Variants in MAGI2 observed in about 807,000 individuals in gnomAD.
MAGI2 encodes membrane-associated guanylate kinase, WW and PDZ domain-containing protein 2.
MAGI2 carries 35 observed loss-of-function variants against 133.3 expected under a neutral mutation model. The ratio of observed to expected loss-of-function variants is 0.26; its 90% CI spans 0.20 to 0.35. The LOEUF is 0.35. MAGI2 is among the 10% of genes least tolerant of loss of function. The probability of loss-of-function intolerance (pLI) is 1.00; values close to 1 mark genes in which losing one functional copy is unlikely to be tolerated. For synonymous variants in MAGI2, 729 were observed against 710.6 expected, an observed-to-expected ratio of 1.03 and a Z score of -0.41; for missense variants, 1,636 against 1,863.4, an observed-to-expected ratio of 0.88 and a Z score of 2.25.
intron 6 of MAGI2, among the ~76,000 whole-genome samples, chr7:78,395,696 C>T (rs745576218): frequency 2.0e-5 from 3 of 152,112 alleles, no homozygotes; most frequent in East Asian, 1.9e-4. Flanking sequence ...GGTTCTAAAC[C>T]GGTGCTACTC....
chr7:78,436,577 A>G (rs1193850323), intron 6 of MAGI2, among the ~76,000 whole-genome samples: 1 of 152,080 alleles, frequency 6.6e-6, no homozygotes, highest in Non-Finnish European at 1.5e-5. Context: ...ACAAACAAAA[A>G]CCTAGAAAAG....
chr7:78,238,265 C>T (rs978481412), intron 10 of MAGI2, among the ~76,000 whole-genome samples: 20 of 152,132 alleles, frequency 1.3e-4, no homozygotes, highest in African/African-American at 3.9e-4. Flanking sequence ...GCCATCTCTA[C>T]GTGGATGGCT....
chr7:78,934,036 T>C (rs1800334313), intron 2 of MAGI2, among the ~76,000 whole-genome samples: 1 of 152,108 alleles, frequency 6.6e-6, no homozygotes, highest in African/African-American at 2.4e-5. Flanking sequence ...GTTGTTGCTG[T>C]TGTTTAACAG....
At chr7:78,651,858 TACA>T in intron 2 of MAGI2, among the ~76,000 whole-genome samples, 1 of 151,742 alleles carries the variant, frequency 6.6e-6, no homozygotes, top group South Asian at 2.1e-4. Flanking sequence ...AAGTAGAAAA[TACA>T]ACAACAAAGA....
At chr7:78,435,377 T>TG (rs1051431974) in intron 6 of MAGI2, among the ~76,000 whole-genome samples, 36 of 152,172 alleles carry the variant, frequency 2.4e-4, no homozygotes, top group African/African-American at 6.0e-4. Flanking sequence ...TCTTCACGTC[T>TG]GTGAAGGACA....
chr7:78,349,148 T>C (rs890142021), intron 7 of MAGI2, among the ~76,000 whole-genome samples: 6 of 152,234 alleles, frequency 3.9e-5, no homozygotes, highest in Non-Finnish European at 4.4e-5. Flanking sequence ...ATTTTCATGC[T>C]GATTTCCTTC....
intron 2 of MAGI2, among the ~76,000 whole-genome samples, chr7:78,890,974 C>T (rs1476257405): frequency 5.9e-5 from 9 of 152,078 alleles, no homozygotes; most frequent in Admixed American, 5.9e-4. Flanking sequence ...AATTGATAGA[C>T]TGCTAGCAAG....
intron 21 of MAGI2, among the ~76,000 whole-genome samples, chr7:78,066,966 T>C (rs896037525): frequency 8.5e-5 from 13 of 152,336 alleles, no homozygotes; most frequent in Middle Eastern, 3.4e-3. Flanking sequence ...CAGAATGGAA[T>C]TGCACTCCAC....
intron 1 of MAGI2, among the ~76,000 whole-genome samples, chr7:79,356,039 G>A (rs1352493751): frequency 6.6e-6 from 1 of 152,044 alleles, no homozygotes; most frequent in Non-Finnish European, 1.5e-5. Context: ...AAATAAAAAT[G>A]TCCATACATA....
chr7:78,294,706 C>T (rs1797056709), intron 9 of MAGI2, among the ~76,000 whole-genome samples: 1 of 152,152 alleles, frequency 6.6e-6, no homozygotes, highest in Non-Finnish European at 1.5e-5. Context: ...ACCAACCGAT[C>T]AACAAGTATT....
At chr7:78,133,918 C>T (rs151134665) in intron 17 of MAGI2, among the ~76,000 whole-genome samples, 6 of 152,146 alleles carry the variant, frequency 3.9e-5, no homozygotes, top group Admixed American at 2.6e-4. Context: ...TCTTCCCCCC[C>T]CTTTTTTCCC....
chr7:78,097,302 C>T (rs1817789043), intron 20 of MAGI2, among the ~76,000 whole-genome samples: 1 of 152,130 alleles, frequency 6.6e-6, no homozygotes, highest in African/African-American at 2.4e-5. Flanking sequence ...ACCCAGCAAT[C>T]CCATTACTGG....
chr7:78,562,349 T>G (rs79205248), intron 3 of MAGI2, among the ~76,000 whole-genome samples: 1 of 152,218 alleles, frequency 6.6e-6, no homozygotes, highest in Non-Finnish European at 1.5e-5. Context: ...TCCTATACAC[T>G]GTAGTAGAAA....
At chr7:78,391,881 T>C (rs182413855) in intron 6 of MAGI2, among the ~76,000 whole-genome samples, 1 of 152,324 alleles carries the variant, frequency 6.6e-6, no homozygotes, top group East Asian at 1.9e-4. Context: ...GTTTGTATTA[T>C]TTGTGAAGTG....
chr7:79,365,253 T>G (rs1052358035), intron 1 of MAGI2, among the ~76,000 whole-genome samples: 2 of 152,272 alleles, frequency 1.3e-5, no homozygotes, highest in East Asian at 3.9e-4. Context: ...GTGGAGAGAA[T>G]GTGGAGAACT....
intron 11 of MAGI2, among the ~76,000 whole-genome samples, chr7:78,195,273 A>G (rs1201093902): frequency 1.2e-4 from 19 of 152,234 alleles, no homozygotes; most frequent in Non-Finnish European, 2.5e-4. Flanking sequence ...CTGACTTTTG[A>G]ATGCAAACTT....
chr7:78,374,652 T>C (rs544545875), intron 6 of MAGI2, among the ~76,000 whole-genome samples: 2 of 152,052 alleles, frequency 1.3e-5, no homozygotes, highest in Non-Finnish European at 2.9e-5. Flanking sequence ...TTTTTGCATC[T>C]ATGTTCATCA....
chr7:78,398,136 A>C (rs945104480), intron 6 of MAGI2, among the ~76,000 whole-genome samples: 1 of 152,168 alleles, frequency 6.6e-6, no homozygotes, highest in Non-Finnish European at 1.5e-5. Flanking sequence ...AATCAGCTAG[A>C]AGATTCTTCA....
chr7:79,420,636 A>T (rs530313922), intron 1 of MAGI2, among the ~76,000 whole-genome samples: 1 of 152,152 alleles, frequency 6.6e-6, no homozygotes, highest in South Asian at 2.1e-4. Context: ...GAAGCCACTG[A>T]TGAGTCAGGC....
Sources: gnomAD v4.1 joint callset for allele counts (sites outside exome capture counted in the v4.1 genomes callset) on GRCh38, gnomAD v4.1.1 for gene constraint, MANE v1.5 for transcripts, NCBI Gene and HGNC (gene_info 2026-07-23, HGNC 2026-07-21) for gene names.